NOVA1: variants seen among roughly 807,000 people sequenced by gnomAD.
The protein encoded by NOVA1 is RNA-binding protein Nova-1.
Under a neutral mutation model 38.0 loss-of-function variants are expected in NOVA1, and 7 were observed. The ratio of observed to expected loss-of-function variants is 0.18; its 90% CI spans 0.10 to 0.35. The LOEUF (loss-of-function observed/expected upper bound fraction) is 0.35, where lower values mean the gene tolerates loss of function less well. Ranked by LOEUF, NOVA1 falls within the 10% of genes least tolerant of loss-of-function variation. The pLI is 1.00. For synonymous variants in NOVA1, 270 were observed against 232.5 expected (o/e 1.16, Z -1.47); for missense variants, 460 against 616.0 (o/e 0.75, Z 2.68).
At chr14:26,524,435 T>C (rs1889148578) in intron 2 of NOVA1, among the ~76,000 whole-genome samples, 1 of 152,156 alleles carries the variant, frequency 6.6e-6, no homozygotes, top group South Asian at 2.1e-4. Flanking sequence ...GCTCAAATGA[T>C]ATGTTCCACT....
At chr14:26,585,717 T>C (rs959356448) in intron 2 of NOVA1, among the ~76,000 whole-genome samples, 1 of 151,260 alleles carries the variant, frequency 6.6e-6, no homozygotes, top group Admixed American at 6.6e-5. Context: ...AAAGGTGGTC[T>C]TCATTTCAGA....
intron 2 of NOVA1, among the ~76,000 whole-genome samples, chr14:26,585,113 T>G (rs1893440258): frequency 6.6e-6 from 1 of 151,456 alleles, no homozygotes; most frequent in South Asian, 2.1e-4. Flanking sequence ...TATTAAATCT[T>G]AGATGTTTCA....
intron 4 of NOVA1, among the ~76,000 whole-genome samples, chr14:26,457,258 C>T (rs373844265): frequency 2.0e-5 from 3 of 152,120 alleles, no homozygotes; most frequent in East Asian, 1.9e-4. Flanking sequence ...GTGGCTACTA[C>T]GTGCCAGGTA....
chr14:26,558,115 G>A (rs947587803), intron 2 of NOVA1, among the ~76,000 whole-genome samples: 2 of 151,936 alleles, frequency 1.3e-5, no homozygotes, highest in East Asian at 1.9e-4. Flanking sequence ...AGGGTGCCTC[G>A]GAGGGAAAAA....
At chr14:26,490,601 T>C (rs528791248) in intron 2 of NOVA1, among the ~76,000 whole-genome samples, 8 of 152,190 alleles carry the variant, frequency 5.3e-5, no homozygotes, top group Non-Finnish European at 1.0e-4. Flanking sequence ...GTCGAACATT[T>C]TTGCACGTGC....
chr14:26,450,736 T>C (rs1882599037), intron 4 of NOVA1, among the ~76,000 whole-genome samples: 1 of 152,158 alleles, frequency 6.6e-6, no homozygotes, highest in Non-Finnish European at 1.5e-5. Flanking sequence ...TTATATACTA[T>C]ACCAATTATA....
Position 26,597,648 on chromosome 14 carries a change from T to C in NOVA1, c.-212A>G. ...GGAGGGGGCAGGGCTGAGGAGCAGCTGCAGTGCAGTGTCAGAAAGGAGACA... is the reference window on the plus strand; with the variant it reads ...GGAGGGGGCAGGGCTGAGGAGCAGCCGCAGTGCAGTGTCAGAAAGGAGACA... On this transcript the variant is annotated 5_prime_UTR_variant, in exon 1 of 5. Coordinates refer to ENST00000539517, the MANE Select transcript of NOVA1 (RefSeq NM_002515.3). 1 of 1,207,216 alleles carries C rather than the reference T, an allele frequency of 8.3e-7. No homozygotes were observed. Among genetic ancestry groups the C allele is most frequent in the Non-Finnish European group, 1.0e-6 (1 of 975,214 alleles). The allele number at this position is 1,207,216 out of a possible 1,614,324, so 74.8% of individuals were successfully genotyped here.
intron 2 of NOVA1, chr14:26,549,852 G>C (rs967258823): frequency 1.6e-6 from 1 of 626,556 alleles, no homozygotes; most frequent in Non-Finnish European, 2.6e-6. Context: ...GGTGGTGGGT[G>C]AAGTGACTCC....
At chr14:26,451,826 G>T (rs1321947456) in intron 4 of NOVA1, among the ~76,000 whole-genome samples, 1 of 151,972 alleles carries the variant, frequency 6.6e-6, no homozygotes, top group Non-Finnish European at 1.5e-5. Flanking sequence ...CTCATCTTCT[G>T]AATTTTAGTG....
chr14:26,581,594 A>C (rs1893227585), intron 2 of NOVA1, among the ~76,000 whole-genome samples: 1 of 151,990 alleles, frequency 6.6e-6, no homozygotes, highest in Admixed American at 6.6e-5. Flanking sequence ...TGAAAAAATA[A>C]CTTTTGTATG....
chr14:26,453,208 G>GTATTTATT (rs1555314886), intron 4 of NOVA1, among the ~76,000 whole-genome samples: 13,701 of 125,292 alleles, frequency 0.11, 748 homozygotes, highest in Middle Eastern at 0.2. Context: ...ATGTATGTAT[G>GTATTTATT]TATTTATTTA....
intron 2 of NOVA1, among the ~76,000 whole-genome samples, chr14:26,539,001 A>G (rs1890283356): frequency 6.6e-6 from 1 of 152,170 alleles, no homozygotes; most frequent in African/African-American, 2.4e-5. Flanking sequence ...CTCATCCTTT[A>G]GAGTTCAACT....
chr14:26,470,934 T>C (rs1566450918), intron 4 of NOVA1, among the ~76,000 whole-genome samples: 1 of 152,098 alleles, frequency 6.6e-6, no homozygotes, highest in Non-Finnish European at 1.5e-5. Context: ...AAGGTTTTTA[T>C]ACCATATAAT....
At chr14:26,577,440 G>A (rs768313304) in intron 2 of NOVA1, among the ~76,000 whole-genome samples, 36 of 151,982 alleles carry the variant, frequency 2.4e-4, no homozygotes, top group Non-Finnish European at 4.3e-4. Context: ...ACTAAGACAG[G>A]CTACTTTTTT....
intron 3 of NOVA1, among the ~76,000 whole-genome samples, chr14:26,477,143 T>C (rs932509339): frequency 4.0e-5 from 6 of 151,858 alleles, no homozygotes; most frequent in Non-Finnish European, 7.4e-5. Flanking sequence ...GTTTAGTATA[T>C]TTTGCTACTT....
intron 2 of NOVA1, among the ~76,000 whole-genome samples, chr14:26,524,562 C>CA (rs1889159787): frequency 6.6e-6 from 1 of 152,156 alleles, no homozygotes; most frequent in African/African-American, 2.4e-5. Context: ...GGGCTTTCTT[C>CA]AATCACCTTA....
intron 2 of NOVA1, among the ~76,000 whole-genome samples, chr14:26,571,768 T>C (rs909295535): frequency 6.6e-6 from 1 of 152,184 alleles, no homozygotes; most frequent in Non-Finnish European, 1.5e-5. Flanking sequence ...TAATGGCCAG[T>C]GTAAATCACA....
chr14:26,584,597 A>G (rs912690223), intron 2 of NOVA1, among the ~76,000 whole-genome samples: 10 of 151,340 alleles, frequency 6.6e-5, no homozygotes, highest in Non-Finnish European at 1.3e-4. Context: ...TGACCCCCAC[A>G]CCAACAGCAA....
chr14:26,565,265 T>C (rs1158342643), intron 2 of NOVA1, among the ~76,000 whole-genome samples: 2 of 152,190 alleles, frequency 1.3e-5, no homozygotes, highest in East Asian at 1.9e-4. Context: ...AGGTAGGTAT[T>C]TGAGTTATCA....
Sources: gnomAD v4.1 joint callset for allele counts (sites outside exome capture counted in the v4.1 genomes callset) on GRCh38, gnomAD v4.1.1 for gene constraint, MANE v1.5 for transcripts, NCBI Gene and HGNC (gene_info 2026-07-23, HGNC 2026-07-21) for gene names.